PPP1R16B: variants seen among roughly 807,000 people sequenced by gnomAD.
The protein encoded by PPP1R16B is protein phosphatase 1 regulatory subunit 16B.
Under a neutral mutation model 61.7 loss-of-function variants are expected in PPP1R16B, and 14 were observed. That is an observed-to-expected ratio of 0.23 (90% CI 0.15 to 0.35). The LOEUF (loss-of-function observed/expected upper bound fraction) is 0.35, where lower values mean the gene tolerates loss of function less well. Ranked by LOEUF, PPP1R16B falls within the 10% of genes least tolerant of loss-of-function variation. The pLI is 1.00. For missense variants in PPP1R16B, 547 were observed against 752.5 expected (o/e 0.73, Z 3.19); for synonymous variants, 266 against 305.3 (o/e 0.87, Z 1.34).
intron 2 of PPP1R16B, among the ~76,000 whole-genome samples, chr20:38,880,886 C>CA (rs1430744499): frequency 6.6e-6 from 1 of 152,188 alleles, no homozygotes; most frequent in African/African-American, 2.4e-5. Flanking sequence ...AAGGACCTGT[C>CA]AGTCTGTTTT....
rs2085555926 is a variant in PPP1R16B, at chr20:38,918,012, C to G, written c.1195-145C>G. On this transcript the variant is annotated intron_variant, in intron 10 of 10. Transcript: ENST00000299824. The surrounding 1 kb of genome is among the most constrained non-coding windows in gnomAD (Gnocchi z 5.3). Reference sequence around the variant, plus strand: ...CGGAAATTCATAGATTGGGGGTTCCCCAAAGGAAAACCCTGGCCCCGATAC... The same window carrying G: ...CGGAAATTCATAGATTGGGGGTTCCGCAAAGGAAAACCCTGGCCCCGATAC... The G allele has an allele frequency of 1.7e-6, 2 of 1,176,886 alleles. No individual in the cohort carries two copies. The highest frequency in any genetic ancestry group is 2.4e-6 in the Non-Finnish European group (2 of 837,994). The allele number at this position is 1,176,886 out of a possible 1,614,324, so 72.9% of individuals were successfully genotyped here. A position where few individuals can be genotyped will look rare whatever the true frequency, so the allele number is the denominator to read the frequency against.
At position 38,836,099 on chromosome 20, in the gene PPP1R16B, C is replaced by T. The variant is rs1392775713; in HGVS notation, c.174C>T (p.Gly58=). The part of the protein sequence containing the change: ...KRKHERKRST[G]GRRKKVSFEA... ...AGCATGAGCGGAAGCGCAGCACGGG[C>T]GGCCGCCGCAAGAAAGTGTCCTTCG... Residue 58 remains glycine, a synonymous_variant, in exon 2 of 11, where the codon GGC becomes GGT. Transcript: ENST00000299824. 11 of 1,611,802 alleles carry T rather than the reference C, an allele frequency of 6.8e-6. No individual in the cohort carries two copies. Among genetic ancestry groups the T allele is most frequent in the African/African-American group, 1.3e-5 (1 of 74,942 alleles).
chr20:38,908,360 A>C (rs936705764), intron 10 of PPP1R16B, among the ~76,000 whole-genome samples, 167 bp downstream of exon 10: 9 of 152,232 alleles, frequency 5.9e-5, no homozygotes, highest in African/African-American at 1.9e-4. Context: ...TAGTTAAACC[A>C]GCAGATTCAG....
At chr20:38,906,599 A>G (rs1276695096) in intron 7 of PPP1R16B, among the ~76,000 whole-genome samples, 3 of 152,224 alleles carry the variant, frequency 2.0e-5, no homozygotes, top group African/African-American at 7.2e-5. Context: ...GTTGTGTTCT[A>G]ATAGGATGGT....
intron 2 of PPP1R16B, among the ~76,000 whole-genome samples, chr20:38,860,673 G>C (rs1244253913): frequency 2.6e-5 from 4 of 152,176 alleles, no homozygotes; most frequent in Admixed American, 6.5e-5. Context: ...ACAGCATCTA[G>C]CTTTGTGCCC....
rs71330453 is a variant in PPP1R16B at position 38,885,036 on chromosome 20, CAAAAAAAAAAAA to C, written c.251-4547_251-4536del. ...TGGGCAACAGAGCTAAACTCTGTCT[CAAAAAAAAAAAA>C]AAAAAAAAAAAGAAGAAGAAGAAGA... is the stretch of plus-strand genomic sequence containing the variant. On this transcript the variant is annotated intron_variant, in intron 2 of 10. Transcript: ENST00000299824. Among the ~76,000 whole-genome samples the C allele has an allele frequency of 1.0e-4, 7 of 67,816 alleles. No individual in the cohort carries two copies. The South Asian group carries it at 3.1e-3, about 30-fold the overall frequency. 44.5% of individuals were successfully genotyped at this position (67,816 alleles called of 152,430 possible).
At chr20:38,903,449 C>G (rs2085412501) in intron 6 of PPP1R16B, among the ~76,000 whole-genome samples, 3 of 152,170 alleles carry the variant, frequency 2.0e-5, no homozygotes, top group Non-Finnish European at 2.9e-5. Context: ...CCTGATATTA[C>G]TGCAACAGCC....
At chr20:38,888,910 CACACACACACACACACA>C (rs1330598721) in intron 2 of PPP1R16B, among the ~76,000 whole-genome samples, 2 of 151,566 alleles carry the variant, frequency 1.3e-5, no homozygotes, top group African/African-American at 4.9e-5. Flanking sequence ...CACACACACA[CACACACACACACACACA>C]CCCCTAGACA....
At chr20:38,902,639 C>CT (rs1184626659) in intron 5 of PPP1R16B, 29 bp from the exon 6 acceptor site, 1 of 1,613,830 alleles carries the variant, frequency 6.2e-7, no homozygotes, top group Non-Finnish European at 8.5e-7. Context: ...CCTGAGGGTG[C>CT]TAAATAAATC....
Position 38,826,793 on chromosome 20 carries a change from G to T in PPP1R16B, c.-101-9032G>T, listed in dbSNP as rs1439475192. On this transcript the variant is annotated intron_variant, in intron 1 of 10. Transcript: ENST00000299824. ...CCATTCCCGTCTACCACCCACCATAGACCTCTAAAGGCCATGGAGTTCCTG... is the reference window on the plus strand; with the variant it reads ...CCATTCCCGTCTACCACCCACCATATACCTCTAAAGGCCATGGAGTTCCTG... Among the ~76,000 whole-genome samples the T allele has an allele frequency of 2.6e-5, 4 of 152,320 alleles. No homozygotes were observed. The South Asian group carries it at 8.3e-4, about 32-fold the overall frequency.
At chr20:38,865,074 C>T (rs559686983) in intron 2 of PPP1R16B, among the ~76,000 whole-genome samples, 1 of 152,188 alleles carries the variant, frequency 6.6e-6, no homozygotes, top group Non-Finnish European at 1.5e-5. Flanking sequence ...CAGAATGGCC[C>T]GAGTTTCTGG....
chr20:38,862,862 T>G (rs115865668), intron 2 of PPP1R16B, among the ~76,000 whole-genome samples: 4,313 of 152,322 alleles, frequency 0.028, 208 homozygotes, highest in African/African-American at 0.095. Flanking sequence ...ATCTCTGCCC[T>G]GCTTCCTGGC....
chr20:38,855,866 G>A (rs1383805012), intron 2 of PPP1R16B, among the ~76,000 whole-genome samples: 2 of 139,816 alleles, frequency 1.4e-5, no homozygotes, highest in African/African-American at 2.7e-5. Flanking sequence ...CATCGCATCT[G>A]TAAATACCAG....
intron 7 of PPP1R16B, 56 bp from the exon 8 acceptor site, chr20:38,906,923 C>T (rs1601310279): frequency 1.3e-6 from 2 of 1,498,028 alleles, no homozygotes; most frequent in African/African-American, 1.4e-5. Flanking sequence ...CTCTCCACCT[C>T]CTAGGCTTTC....
rs758849642 is a variant in PPP1R16B at position 38,907,030 on chromosome 20, A to T, written c.874A>T (p.Thr292Ser). The stretch of plus-strand genomic sequence containing the variant: ...CCATGGAGCTAGTCTCAGTGCAAGG[A>T]CATCCATGGATGAGATGCCAATAGG... ...VSHGASLSAR[T>S]SMDEMPIDLC... is the part of the protein sequence containing the mutation. Residue 292 changes from threonine (T) to serine (S), a missense_variant, in exon 8 of 11, where the codon ACA becomes TCA. Transcript: ENST00000299824. The surrounding 1 kb of genome is among the most constrained non-coding windows in gnomAD (Gnocchi z 4.5). 1 of 1,614,028 alleles carries T rather than the reference A, an allele frequency of 6.2e-7. No homozygotes were observed. The highest frequency in any genetic ancestry group is 8.5e-7 in the Non-Finnish European group (1 of 1,179,866).
rs187395601 is a variant in PPP1R16B at position 38,867,717 on chromosome 20, G to C, written c.251-21878G>C. Among the ~76,000 whole-genome samples, 52 of 151,898 alleles carry C rather than the reference G, an allele frequency of 3.4e-4. 1 individual carries two copies. In the East Asian group the frequency reaches 9.9e-3, roughly 29 times the overall value. On this transcript the variant is annotated intron_variant, in intron 2 of 10. Transcript: ENST00000299824. ...AGATGGAGTCTTGCTCTGTTGCCCA[G>C]GCTGGAGTGCCATGGTGTGAACTTG... is the stretch of plus-strand genomic sequence containing the variant.
chr20:38,822,885 G>A (rs551505975), intron 1 of PPP1R16B, among the ~76,000 whole-genome samples: 5 of 152,146 alleles, frequency 3.3e-5, no homozygotes, highest in Non-Finnish European at 5.9e-5. Context: ...GACCAAAGCA[G>A]TTAACAAAGT....
chr20:38,891,220 C>A (rs966046384), intron 3 of PPP1R16B, among the ~76,000 whole-genome samples: 2 of 152,178 alleles, frequency 1.3e-5, no homozygotes, highest in Non-Finnish European at 2.9e-5. Flanking sequence ...GACAGTCAGG[C>A]TTGTGGCCCG....
intron 2 of PPP1R16B, among the ~76,000 whole-genome samples, chr20:38,878,169 A>G (rs1475651620): frequency 6.6e-6 from 1 of 152,170 alleles, no homozygotes; most frequent in Non-Finnish European, 1.5e-5. Context: ...AATATGGAAG[A>G]TACAAGTAGT....
Sources: allele counts gnomAD v4.1 joint callset (sites outside exome capture counted in the v4.1 genomes callset), GRCh38; gene constraint gnomAD v4.1.1; non-coding constraint Gnocchi (gnomAD v3.1); transcripts MANE v1.5; gene names NCBI Gene and HGNC (gene_info 2026-07-23, HGNC 2026-07-21).